The following CASP10 variants were observed in gnomAD, a reference collection of about 807,000 sequenced individuals.
CASP10 encodes the protein caspase 10.
CASP10 carries 41 observed loss-of-function variants against 48.5 expected under a neutral mutation model. The ratio of observed to expected loss-of-function variants is 0.85; its 90% CI spans 0.66 to 1.10. The LOEUF (loss-of-function observed/expected upper bound fraction) is 1.10, where lower values mean the gene tolerates loss of function less well. Among genes scored for constraint, CASP10 ranks in the 50% least tolerant of loss-of-function variants. CASP10 has a pLI of 0.00. For missense variants in CASP10, 614 were observed against 614.5 expected (o/e 1.00, Z 0.01); for synonymous variants, 232 against 238.4 (o/e 0.97, Z 0.25).
intron 5 of CASP10, among the ~76,000 whole-genome samples, chr2:201,201,421 C>T (rs543212106): frequency 1.3e-5 from 2 of 152,214 alleles, no homozygotes; most frequent in South Asian, 4.2e-4. Flanking sequence ...TGTAACTCTT[C>T]CCACCCACTT....
chr2:201,226,766 G>C (rs557444298), intron 9 of CASP10, among the ~76,000 whole-genome samples: 6 of 152,138 alleles, frequency 3.9e-5, no homozygotes, highest in African/African-American at 9.6e-5. Context: ...TTGTGGTATA[G>C]TCATATAAAG....
At chr2:201,196,367 C>T (rs1357496642) in intron 5 of CASP10, among the ~76,000 whole-genome samples, 1 of 152,208 alleles carries the variant, frequency 6.6e-6, no homozygotes, top group Non-Finnish European at 1.5e-5. Flanking sequence ...TCTGCTGTTA[C>T]TGCTTTGAAA....
At chr2:201,193,216 T>C in intron 4 of CASP10, 97 bp downstream of exon 4, 1 of 1,335,556 alleles carries the variant, frequency 7.5e-7, no homozygotes, top group Non-Finnish European at 1.1e-6. Context: ...TGTTTTGTTT[T>C]GTTTTGAGGC....
At chr2:201,227,785 T>C (rs1241703376) in intron 9 of CASP10, among the ~76,000 whole-genome samples, 5 of 151,858 alleles carry the variant, frequency 3.3e-5, no homozygotes, top group African/African-American at 1.2e-4. Flanking sequence ...GGTGTTGATC[T>C]CCTGACCTTG....
chr2:201,193,232 C>T lies in CASP10; in HGVS notation c.577+113C>T, dbSNP rs1324697545. On this transcript the variant is annotated intron_variant, in intron 4 of 9. Transcript: ENST00000286186. ...GTTTTGTTTTGTTTTGAGGCAGAGT[C>T]TCACTCACTCTGTCACCCAGGCTGG... 5.5e-6 allele frequency: 6 copies of T among 1,097,732 alleles called. No individual in the cohort carries two copies. The African/African-American group carries it at 7.8e-5, about 14-fold the overall frequency. 68.0% of individuals were successfully genotyped at this position (1,097,732 alleles called of 1,614,324 possible).
At chr2:201,202,611 T>C (rs1372304627) in intron 5 of CASP10, among the ~76,000 whole-genome samples, 1 of 152,178 alleles carries the variant, frequency 6.6e-6, no homozygotes, top group Non-Finnish European at 1.5e-5. Context: ...AGAAGAAATC[T>C]AGGATTCTAC....
At chr2:201,215,139 T>C (rs1445542905) in intron 9 of CASP10, among the ~76,000 whole-genome samples, 2 of 151,594 alleles carry the variant, frequency 1.3e-5, no homozygotes, top group Non-Finnish European at 2.9e-5. Context: ...TTATGTATTC[T>C]AAATATTAAC....
chr2:201,209,732 C>T (rs531786296), intron 9 of CASP10, among the ~76,000 whole-genome samples, 170 bp downstream of exon 9: 2 of 152,280 alleles, frequency 1.3e-5, no homozygotes, highest in East Asian at 3.9e-4. Flanking sequence ...TCTATCCACC[C>T]ATTCATCTAT....
intron 3 of CASP10, among the ~76,000 whole-genome samples, chr2:201,188,976 T>A (rs1359701274): frequency 6.6e-6 from 1 of 151,944 alleles, no homozygotes; most frequent in Non-Finnish European, 1.5e-5. Context: ...GTTCAAGCGA[T>A]TCTCCTGCCT....
chr2:201,186,024 C>G lies in CASP10; in HGVS notation c.247C>G (p.Leu83Val), dbSNP rs759913674. The G allele has an allele frequency of 9.9e-6, 16 of 1,613,384 alleles. No homozygotes were observed. The Admixed American group carries it at 2.7e-4, about 27-fold the overall frequency. Residue 83 changes from leucine (L) to valine (V), a missense_variant, in exon 2 of 10, where the codon CTC (leucine) becomes GTC (valine). Leu to Val is a conservative substitution (Grantham distance 32, BLOSUM62 1). Transcript: ENST00000286186. The part of the protein sequence containing the change: ...EEDPFFLAEL[L>V]YIIRQKKLLQ... ...AGACCCTTTCTTCCTGGCAGAACTCCTCTATATCATACGGCAGAAGAAGCT... is the reference window on the plus strand; with the variant it reads ...AGACCCTTTCTTCCTGGCAGAACTCGTCTATATCATACGGCAGAAGAAGCT...
intron 2 of CASP10, among the ~76,000 whole-genome samples, chr2:201,187,442 A>G (rs1336822420): frequency 6.6e-6 from 1 of 151,696 alleles, no homozygotes; most frequent in Non-Finnish European, 1.5e-5. Context: ...TTTTTTTTAA[A>G]TATGCCTTCT....
intron 9 of CASP10, among the ~76,000 whole-genome samples, chr2:201,217,375 G>T (rs1412690416): frequency 6.6e-6 from 1 of 152,126 alleles, no homozygotes; most frequent in Non-Finnish European, 1.5e-5. Flanking sequence ...AGACCAGCCT[G>T]GGCAAGCAAT....
intron 5 of CASP10, chr2:201,200,653 C>A: frequency 7.1e-7 from 1 of 1,418,328 alleles, no homozygotes; most frequent in South Asian, 1.6e-5. Context: ...GAGGGAATCT[C>A]AGCTTTGGGA....
rs753175958 is a variant in CASP10, at chr2:201,208,215, A to G, written c.922+32A>G. The G allele has an allele frequency of 5.7e-5, 91 of 1,587,828 alleles. 2 individuals carry two copies. In the South Asian group the frequency reaches 9.9e-4, roughly 17 times the overall value. ...AAGTCTGGAACAGTTTATCAAATGCAAATTGGGGATCTTAAAATTATTTTT... is the reference window on the plus strand; with the variant it reads ...AAGTCTGGAACAGTTTATCAAATGCGAATTGGGGATCTTAAAATTATTTTT... On this transcript the variant is annotated intron_variant, in intron 8 of 9. Transcript: ENST00000286186.
Position 201,209,575 on chromosome 2 carries a change from T to C in CASP10, c.1415+13T>C. The stretch of plus-strand genomic sequence containing the variant: ...AATTGGTCCCAAGGTGAGAGCTCTT[T>C]TTTTTCTTCCATTTGTAATTAATTA... On this transcript the variant is annotated intron_variant, in intron 9 of 9. Coordinates refer to ENST00000286186, the MANE Select transcript of CASP10 (RefSeq NM_032977.4). 2 of 1,596,346 alleles carry C rather than the reference T, an allele frequency of 1.3e-6. No individual in the cohort carries two copies. The highest frequency in any genetic ancestry group is 1.7e-6 in the Non-Finnish European group (2 of 1,174,290).
intron 6 of CASP10, 63 bp downstream of exon 6, chr2:201,203,829 T>C: frequency 1.6e-6 from 2 of 1,281,288 alleles, no homozygotes; most frequent in Middle Eastern, 1.8e-4. Flanking sequence ...ACATATTTGA[T>C]ATATACCAAG....
intron 5 of CASP10, among the ~76,000 whole-genome samples, chr2:201,198,211 T>C (rs1165990639): frequency 6.6e-6 from 1 of 151,994 alleles, no homozygotes; most frequent in Non-Finnish European, 1.5e-5. Flanking sequence ...TTTGTAGAAG[T>C]TTTATTTTTA....
Position 201,218,190 on chromosome 2 carries a change from G to A in CASP10, c.*449G>A. 1 of 1,024,596 alleles carries A rather than the reference G, an allele frequency of 9.8e-7. No homozygotes were observed. Among genetic ancestry groups the A allele is most frequent in the South Asian group, 3.6e-5 (1 of 28,026 alleles). 63.5% of individuals were successfully genotyped at this position (1,024,596 alleles called of 1,614,324 possible). On this transcript the variant is annotated 3_prime_UTR_variant, in exon 10 of 10. Transcript: ENST00000286186. ...TCCCACCTCTGTCCCCAAAATACTGGGATTATAGGCACGAGCCACCACACC... is the reference window on the plus strand; with the variant it reads ...TCCCACCTCTGTCCCCAAAATACTGAGATTATAGGCACGAGCCACCACACC...
Position 201,209,571 on chromosome 2 carries a change from T to TC in CASP10, c.1415+10dup. 6.3e-7 allele frequency: 1 copy of TC among 1,596,504 alleles called. No homozygotes were observed. Among genetic ancestry groups the TC allele is most frequent in the Non-Finnish European group, 8.5e-7 (1 of 1,174,300 alleles). ...AAGAAATTGGTCCCAAGGTGAGAGC[T>TC]CTTTTTTTTCTTCCATTTGTAATTA... On this transcript the variant is annotated intron_variant, in intron 9 of 9. Transcript: ENST00000286186.
Sources: allele counts gnomAD v4.1 joint callset (sites outside exome capture counted in the v4.1 genomes callset), GRCh38; gene constraint gnomAD v4.1.1; transcripts MANE v1.5; gene names NCBI Gene and HGNC (gene_info 2026-07-23, HGNC 2026-07-21).